Variants in TMEM132C observed in about 807,000 individuals in gnomAD.
The protein encoded by TMEM132C is transmembrane protein 132C.
In TMEM132C, 29 loss-of-function variants were observed where a neutral mutation model predicts 61.4. The observed-to-expected ratio is 0.47, with a 90% CI of 0.35 to 0.64. The LOEUF (loss-of-function observed/expected upper bound fraction) is 0.64. Ranked by LOEUF, TMEM132C falls within the 30% of genes least tolerant of loss-of-function variation. TMEM132C has a pLI of 0.00. For missense variants in TMEM132C, 1,408 were observed against 1,476.9 expected (o/e 0.95, Z 0.76); for synonymous variants, 656 against 633.1 (o/e 1.04, Z -0.54).
intron 1 of TMEM132C, among the ~76,000 whole-genome samples, chr12:128,338,896 A>G (rs1383102668): frequency 6.6e-6 from 1 of 152,000 alleles, no homozygotes; most frequent in African/African-American, 2.4e-5. Context: ...TTCCCTACAC[A>G]GAGGGCTTTG....
In TMEM132C at chr12:128,319,366, A is replaced by ATT. The variant is rs1439608852; in HGVS notation, c.85+51879_85+51880insTT. On this transcript the variant is annotated intron_variant, in intron 1 of 8. Transcript: ENST00000435159. ...AGATTTGCAGTCCCGAGAGAGAGAG[A>ATT]GAGAGACAGAGAGACAGTGTGTGTG... Among the ~76,000 whole-genome samples the ATT allele has an allele frequency of 7.0e-4, 104 of 147,924 alleles. 1 individual carries two copies. The highest frequency in any genetic ancestry group is 2.4e-3 in the African/African-American group (99 of 40,962).
intron 1 of TMEM132C, among the ~76,000 whole-genome samples, chr12:128,292,979 C>T (rs11059629): frequency 0.23 from 34,899 of 151,712 alleles, 4,583 homozygotes; most frequent in East Asian, 0.5. Context: ...TATGCAAGCA[C>T]GAGCACCAAC....
intron 1 of TMEM132C, among the ~76,000 whole-genome samples, chr12:128,325,182 G>T (rs1327726249): frequency 1.3e-5 from 2 of 152,212 alleles, no homozygotes; most frequent in African/African-American, 4.8e-5. Flanking sequence ...TATTGTCACA[G>T]TAAGTGCTAG....
At chr12:128,367,654 T>C (rs1873909461) in intron 1 of TMEM132C, among the ~76,000 whole-genome samples, 1 of 152,094 alleles carries the variant, frequency 6.6e-6, no homozygotes. Flanking sequence ...CCAAGTGTAC[T>C]TGTGAACCCT....
At chr12:128,533,887 C>T (rs1391398794) in intron 2 of TMEM132C, among the ~76,000 whole-genome samples, 1 of 151,978 alleles carries the variant, frequency 6.6e-6, no homozygotes, top group Non-Finnish European at 1.5e-5. Flanking sequence ...GGTACTTACC[C>T]GCCCTCCCAT....
At chr12:128,374,537 TA>T (rs1874127328) in intron 1 of TMEM132C, among the ~76,000 whole-genome samples, 1 of 152,096 alleles carries the variant, frequency 6.6e-6, no homozygotes, top group Non-Finnish European at 1.5e-5. Context: ...TGGGTTTGGC[TA>T]TTTGGCGCCT....
In TMEM132C at chr12:128,705,722, G is replaced by A. The variant is rs535338564; in HGVS notation, c.2754G>A (p.Arg918=). 3.9e-6 allele frequency: 6 copies of A among 1,551,498 alleles called. No homozygotes were observed. The South Asian group carries it at 5.9e-5, about 15-fold the overall frequency. Residue 918 remains arginine, a synonymous_variant, in exon 9 of 9, where the codon CGG becomes CGA. Transcript: ENST00000435159. The part of the protein sequence containing the change: ...LEENDLVQTP[R]GLSDLEIGMY... Reference sequence around the variant, plus strand: ...AAAACGACCTGGTGCAGACTCCGCGGGGCCTGAGTGATCTGGAGATAGGGA... The same window carrying A: ...AAAACGACCTGGTGCAGACTCCGCGAGGCCTGAGTGATCTGGAGATAGGGA...
intron 1 of TMEM132C, among the ~76,000 whole-genome samples, chr12:128,350,436 G>A (rs1242183054): frequency 6.6e-6 from 1 of 152,194 alleles, no homozygotes; most frequent in Non-Finnish European, 1.5e-5. Context: ...CTTCTCCCTG[G>A]AACCTCACAG....
intron 1 of TMEM132C, among the ~76,000 whole-genome samples, chr12:128,325,663 T>C (rs1186696067): frequency 1.3e-5 from 2 of 152,204 alleles, no homozygotes; most frequent in Non-Finnish European, 2.9e-5. Flanking sequence ...TGGACCTCCC[T>C]GTATGCTTTT....
At chr12:128,407,438 C>A (rs1239122683) in intron 1 of TMEM132C, among the ~76,000 whole-genome samples, 1 of 152,140 alleles carries the variant, frequency 6.6e-6, no homozygotes, top group Admixed American at 6.5e-5. Context: ...CTGCTGGCTG[C>A]TCTGTGAGGG....
chr12:128,656,611 A>G (rs564933115), intron 4 of TMEM132C, among the ~76,000 whole-genome samples: 1 of 152,362 alleles, frequency 6.6e-6, no homozygotes, highest in Non-Finnish European at 1.5e-5. Flanking sequence ...GTGCCCCACC[A>G]ACCTTCAGAG....
intron 1 of TMEM132C, among the ~76,000 whole-genome samples, chr12:128,320,652 C>T (rs1470513418): frequency 1.3e-5 from 2 of 151,880 alleles, no homozygotes; most frequent in East Asian, 3.9e-4. Context: ...GCCTTTAGTT[C>T]CAGCTAGCTA....
chr12:128,555,661 A>G (rs986611746), intron 3 of TMEM132C, among the ~76,000 whole-genome samples: 1 of 151,482 alleles, frequency 6.6e-6, no homozygotes, highest in Admixed American at 6.6e-5. Flanking sequence ...GGTTTGTGGC[A>G]AACGTTGACT....
At chr12:128,528,880 T>C (rs1873184654) in intron 2 of TMEM132C, among the ~76,000 whole-genome samples, 2 of 152,174 alleles carry the variant, frequency 1.3e-5, no homozygotes, top group Non-Finnish European at 1.5e-5. Flanking sequence ...AGCTGTGTAT[T>C]CAGAGCTGGA....
At chr12:128,666,222 C>T (rs542785587) in intron 4 of TMEM132C, among the ~76,000 whole-genome samples, 1 of 151,076 alleles carries the variant, frequency 6.6e-6, no homozygotes, top group African/African-American at 2.4e-5. Flanking sequence ...GGCACCCACA[C>T]ACACAGGCAC....
At chr12:128,360,281 C>CAA (rs56354528) in intron 1 of TMEM132C, among the ~76,000 whole-genome samples, 1 of 144,938 alleles carries the variant, frequency 6.9e-6, no homozygotes, top group Non-Finnish European at 1.5e-5. Flanking sequence ...CACACACACA[C>CAA]CCCAGGATAA....
In TMEM132C at chr12:128,691,736, T is replaced by C. The variant is rs141640156; in HGVS notation, c.1450-2093T>C. ...CAGTTCATCTATCTATCCAGCTGTC[T>C]ACCCATTTGTCCACCACCCATTCAC... is the stretch of plus-strand genomic sequence containing the variant. On this transcript the variant is annotated intron_variant, in intron 5 of 8. Transcript: ENST00000435159. 3.0e-4 allele frequency among the ~76,000 whole-genome samples: 46 copies of C among 151,330 alleles called. No individual in the cohort carries two copies. In the East Asian group the frequency reaches 8.0e-3, roughly 26 times the overall value.
At chr12:128,605,913 C>G (rs964964552) in intron 3 of TMEM132C, among the ~76,000 whole-genome samples, 2 of 152,222 alleles carry the variant, frequency 1.3e-5, no homozygotes, top group African/African-American at 4.8e-5. Context: ...TCCTTCTTCT[C>G]TGAGAATCAC....
In TMEM132C at chr12:128,566,800, A is replaced by G. The variant is rs112617400; in HGVS notation, c.1121+22697A>G. 1.1e-3 allele frequency among the ~76,000 whole-genome samples: 164 copies of G among 152,268 alleles called. 1 individual carries two copies. Among genetic ancestry groups the G allele is most frequent in the African/African-American group, 3.8e-3 (157 of 41,544 alleles). ...GCCAGGGTTCGGGTTCCAACATTCA[A>G]CTTAGTAACTGAAATTTAACAAGTT... On this transcript the variant is annotated intron_variant, in intron 3 of 8. Transcript: ENST00000435159.
Sources: allele counts gnomAD v4.1 joint callset (sites outside exome capture counted in the v4.1 genomes callset), GRCh38; gene constraint gnomAD v4.1.1; transcripts MANE v1.5; gene names NCBI Gene and HGNC (gene_info 2026-07-23, HGNC 2026-07-21).